The following LINGO2 variants were observed in gnomAD, a reference collection of about 807,000 sequenced individuals.
LINGO2 encodes the protein leucine-rich repeat and immunoglobulin-like domain-containing nogo receptor-interacting protein 2.
In LINGO2, 14 loss-of-function variants were observed where a neutral mutation model predicts 30.6. The observed-to-expected ratio is 0.46, with a 90% CI of 0.30 to 0.72. The LOEUF (loss-of-function observed/expected upper bound fraction) is 0.72. LINGO2 is among the 30% of genes least tolerant of loss of function. The pLI, the probability that LINGO2 is intolerant of heterozygous loss-of-function variation, is 0.07. For missense variants in LINGO2, 729 were observed against 751.7 expected (o/e 0.97, Z 0.35); for synonymous variants, 317 against 288.5 (o/e 1.10, Z -1.00).
At chr9:29,071,125 A>G in the LINGO2 span, among the ~76,000 whole-genome samples, 3 of 149,918 alleles carry the variant, frequency 2.0e-5, no homozygotes, top group Admixed American at 2.0e-4. Flanking sequence ...TATGTATGAT[A>G]TGCACATCTA....
At chr9:28,724,840 T>A in the LINGO2 span, among the ~76,000 whole-genome samples, 1 of 151,882 alleles carries the variant, frequency 6.6e-6, no homozygotes, top group Non-Finnish European at 1.5e-5. Context: ...CTTTGAAGAG[T>A]CACAAATCTT....
intron 5 of LINGO2, among the ~76,000 whole-genome samples, chr9:27,960,796 T>A (rs1164743052): frequency 6.6e-6 from 1 of 152,082 alleles, no homozygotes; most frequent in African/African-American, 2.4e-5. Context: ...TTTAGGGATG[T>A]CATTTTGCTA....
At chr9:28,857,655 T>C in the LINGO2 span, among the ~76,000 whole-genome samples, 2 of 152,044 alleles carry the variant, frequency 1.3e-5, no homozygotes, top group Non-Finnish European at 1.5e-5. Flanking sequence ...TTAAATGCCA[T>C]AGCGATTAGC....
intron 4 of LINGO2, among the ~76,000 whole-genome samples, chr9:28,178,612 A>AT (rs975768160): frequency 3.3e-5 from 5 of 152,190 alleles, no homozygotes; most frequent in Non-Finnish European, 5.9e-5. Flanking sequence ...TTCACGGAAC[A>AT]TTTTGTTCTC....
intron 4 of LINGO2, among the ~76,000 whole-genome samples, chr9:28,197,369 T>C (rs1249555730): frequency 6.6e-6 from 1 of 151,748 alleles, no homozygotes; most frequent in East Asian, 1.9e-4. Flanking sequence ...TCTTAAACAG[T>C]GTAGTAAAGA....
the LINGO2 span, among the ~76,000 whole-genome samples, chr9:28,954,840 C>CAA: frequency 2.0e-5 from 3 of 152,104 alleles, no homozygotes; most frequent in Non-Finnish European, 4.4e-5. Flanking sequence ...TACCACTTTC[C>CAA]ACCTTCAGTA....
chr9:28,361,661 A>G (rs974831925), intron 3 of LINGO2, among the ~76,000 whole-genome samples: 1 of 152,084 alleles, frequency 6.6e-6, no homozygotes, highest in Non-Finnish European at 1.5e-5. Flanking sequence ...CAAAAAAAAA[A>G]GCTATTTGCC....
chr9:28,806,710 T>C, the LINGO2 span, among the ~76,000 whole-genome samples: 2 of 152,266 alleles, frequency 1.3e-5, no homozygotes, highest in South Asian at 4.1e-4. Flanking sequence ...AAATGATCTA[T>C]AATTAAAACA....
At chr9:28,241,267 C>CAAAAAAAAAAAAA (rs1164724626) in intron 4 of LINGO2, among the ~76,000 whole-genome samples, 1 of 83,606 alleles carries the variant, frequency 1.2e-5, no homozygotes. Flanking sequence ...GACCCTGTCT[C>CAAAAAAAAAAAAA]AAAAAAAAAA....
chr9:28,379,241 T>C (rs1821246518), intron 2 of LINGO2, among the ~76,000 whole-genome samples: 1 of 152,052 alleles, frequency 6.6e-6, no homozygotes, highest in South Asian at 2.1e-4. Context: ...AGAAGGCATT[T>C]TATAAAAATT....
At chr9:28,145,053 C>A (rs75872225) in intron 4 of LINGO2, among the ~76,000 whole-genome samples, 1,636 of 152,230 alleles carry the variant, frequency 0.011, 26 homozygotes, top group African/African-American at 0.037. Flanking sequence ...ATCAAGGAGA[C>A]CATCTAAGCA....
At chr9:28,348,709 CA>C in intron 3 of LINGO2, among the ~76,000 whole-genome samples, 1 of 151,886 alleles carries the variant, frequency 6.6e-6, no homozygotes, top group South Asian at 2.1e-4. Context: ...CACAGACAAA[CA>C]AAAAGACAGC....
chr9:28,352,507 C>G lies in LINGO2; in HGVS notation c.-246+20329G>C, dbSNP rs1041797983. ...CTGCTCAAGGAAATAAAAGAGGATA[C>G]AAAGAAATGGAAGAACATTCCATGC... On this transcript the variant is annotated intron_variant, in intron 3 of 5. Transcript: ENST00000379992. Among the ~76,000 whole-genome samples the G allele has an allele frequency of 2.4e-5, 3 of 122,930 alleles. 1 individual carries two copies. Among genetic ancestry groups the G allele is most frequent in the Non-Finnish European group, 5.1e-5 (3 of 59,352 alleles). 80.6% of individuals were successfully genotyped at this position (122,930 alleles called of 152,430 possible).
At chr9:29,092,161 G>A in the LINGO2 span, among the ~76,000 whole-genome samples, 2 of 151,938 alleles carry the variant, frequency 1.3e-5, no homozygotes, top group East Asian at 1.9e-4. Flanking sequence ...AGGTACTAAC[G>A]ATATTTTAAT....
intron 4 of LINGO2, among the ~76,000 whole-genome samples, chr9:28,217,400 C>T (rs1820804792): frequency 6.6e-6 from 1 of 151,644 alleles, no homozygotes; most frequent in Admixed American, 6.6e-5. Context: ...ATAAAGACAA[C>T]TGAAATCAAG....
chr9:29,127,798 C>A, the LINGO2 span, among the ~76,000 whole-genome samples: 1 of 152,080 alleles, frequency 6.6e-6, no homozygotes, highest in African/African-American at 2.4e-5. Flanking sequence ...TCCCTGATCC[C>A]TACATGTGAT....
intron 5 of LINGO2, among the ~76,000 whole-genome samples, chr9:27,967,926 GC>G (rs1396024909): frequency 1.3e-5 from 2 of 152,124 alleles, no homozygotes; most frequent in South Asian, 4.1e-4. Context: ...GCAAGAACAT[GC>G]AATTCTTTAT....
the LINGO2 span, among the ~76,000 whole-genome samples, chr9:29,034,966 A>G: frequency 6.6e-6 from 1 of 152,134 alleles, no homozygotes; most frequent in East Asian, 1.9e-4. Context: ...CACATATAAA[A>G]TGTCAGGAAT....
intron 3 of LINGO2, among the ~76,000 whole-genome samples, chr9:28,317,203 ATG>A (rs1484765515): frequency 6.6e-6 from 1 of 152,178 alleles, no homozygotes; most frequent in African/African-American, 2.4e-5. Flanking sequence ...TGCATTCAGC[ATG>A]TGATGCATTT....
Sources: allele counts gnomAD v4.1 joint callset (sites outside exome capture counted in the v4.1 genomes callset), GRCh38; gene constraint gnomAD v4.1.1; transcripts MANE v1.5; gene names NCBI Gene and HGNC (gene_info 2026-07-23, HGNC 2026-07-21).